Variants in OR5V1 observed in about 807,000 individuals in gnomAD.
OR5V1 encodes the protein olfactory receptor family 5 subfamily V member 1.
For synonymous variants in OR5V1, 134 were observed against 143.2 expected (o/e 0.94, Z 0.46); for missense variants, 365 against 371.5 (o/e 0.98, Z 0.14).
Position 29,355,148 on chromosome 6 carries a change from A to G in OR5V1, c.*82T>C, listed in dbSNP as rs1778189561. 7.2e-7 allele frequency: 1 copy of G among 1,386,814 alleles called. No individual in the cohort carries two copies. Among genetic ancestry groups the G allele is most frequent in the Non-Finnish European group, 9.7e-7 (1 of 1,027,474 alleles). The allele number at this position is 1,386,814 out of a possible 1,614,324, so 85.9% of individuals were successfully genotyped here. On this transcript the variant is annotated 3_prime_UTR_variant, in exon 2 of 2. Transcript: ENST00000641768. ...CTTCAATATCTGTCCCAACATTGCA[A>G]TTATCTTTTAAACTTTCAATAAAAA...
intron 1 of OR5V1, among the ~76,000 whole-genome samples, chr6:29,366,781 A>C (rs1029528331): frequency 2.0e-5 from 3 of 152,218 alleles, no homozygotes; most frequent in African/African-American, 7.2e-5. Context: ...ACTGCCCTCC[A>C]ACACAAACAT....
rs757161466 is a variant in OR5V1, at chr6:29,356,086, C to A, written c.110G>T (p.Cys37Phe). ...LFTIFFLTYFCTLGGNILIIL... is the reference protein window; with the variant it reads ...LFTIFFLTYFFTLGGNILIIL... The stretch of plus-strand genomic sequence containing the variant: ...AATTAATATATTTCCTCCCAAAGTA[C>A]AGAAATAAGTCAGAAAGAAGATGGT... Residue 37 changes from cysteine to phenylalanine, a missense_variant, in exon 2 of 2, where the codon TGT becomes TTT. Coordinates refer to ENST00000641768, the MANE Select transcript of OR5V1 (RefSeq NM_030876.6). 1.2e-6 allele frequency: 2 copies of A among 1,613,876 alleles called. No individual in the cohort carries two copies. The highest frequency in any genetic ancestry group is 1.7e-6 in the Non-Finnish European group (2 of 1,179,886).
intron 1 of OR5V1, among the ~76,000 whole-genome samples, chr6:29,363,125 T>G (rs527490879): frequency 6.6e-6 from 1 of 152,266 alleles, no homozygotes; most frequent in Non-Finnish European, 1.5e-5. Context: ...TTATCACCAC[T>G]GATCCCACAG....
At position 29,355,679 on chromosome 6, in the gene OR5V1, G is replaced by T; in HGVS notation, c.517C>A (p.Gln173Lys). The T allele has an allele frequency of 6.2e-7, 1 of 1,614,054 alleles. No homozygotes were observed. Among genetic ancestry groups the T allele is most frequent in the African/African-American group, 1.3e-5 (1 of 75,060 alleles). Reference protein sequence around the residue: ...TFCLPFCGNNQINYFFCDIPP... With the variant: ...TFCLPFCGNNKINYFFCDIPP... ...ATGTCACAGAAGAAGTAATTAATCTGATTGTTGCCACAGAAGGGCAGGCAG... is the reference window on the plus strand; with the variant it reads ...ATGTCACAGAAGAAGTAATTAATCTTATTGTTGCCACAGAAGGGCAGGCAG... The change falls in exon 2 of 2, where the codon CAG (glutamine) becomes AAG (lysine). Residue 173 changes from glutamine to lysine, a missense_variant. Gln to Lys is a moderately conservative substitution (Grantham distance 53). Coordinates refer to ENST00000641768, the MANE Select transcript of OR5V1 (RefSeq NM_030876.6).
At chr6:29,365,160 A>G (rs1012913862) in intron 1 of OR5V1, among the ~76,000 whole-genome samples, 6 of 152,180 alleles carry the variant, frequency 3.9e-5, no homozygotes, top group Non-Finnish European at 7.3e-5. Flanking sequence ...AAGATGGATT[A>G]AAGACTTAAA....
In OR5V1 at chr6:29,355,523, T is replaced by C. The variant is rs1056127645; in HGVS notation, c.673A>G (p.Ile225Val). 9.3e-6 allele frequency: 15 copies of C among 1,613,794 alleles called. No individual in the cohort carries two copies. Among genetic ancestry groups the C allele is most frequent in the Non-Finnish European group, 1.3e-5 (15 of 1,179,864 alleles). The change falls in exon 2 of 2, where the codon ATC becomes GTC. Residue 225 changes from isoleucine to valine, a missense_variant. Ile to Val is a conservative substitution (Grantham distance 29, BLOSUM62 3). Transcript: ENST00000641768. ...VLSYICIIST[I>V]LRIQSSEGRR... is the part of the protein sequence containing the mutation. ...CCCTCTGAGGACTGGATCCTCAAGA[T>C]GGTGGAGATTATGCAAATGTAGGAA...
At chr6:29,358,003 A>C (rs2151272345) in intron 1 of OR5V1, among the ~76,000 whole-genome samples, 1 of 152,332 alleles carries the variant, frequency 6.6e-6, no homozygotes, top group East Asian at 1.9e-4. Context: ...TTCAATGTCA[A>C]GTTTGAGAGG....
Position 29,355,790 on chromosome 6 carries a change from G to A in OR5V1, c.406C>T (p.Leu136=). 1 of 1,614,034 alleles carries A rather than the reference G, an allele frequency of 6.2e-7. No individual in the cohort carries two copies. Among genetic ancestry groups the A allele is most frequent in the Non-Finnish European group, 8.5e-7 (1 of 1,179,954 alleles). ...AATTGATTGCATAGAACCTTGCTCAGAATAACTGAATACCTTAAAGGATTG... is the reference window on the plus strand; with the variant it reads ...AATTGATTGCATAGAACCTTGCTCAAAATAACTGAATACCTTAAAGGATTG... ...ICNPLRYSVI[L]SKVLCNQLAA... The change falls in exon 2 of 2, where the codon CTG becomes TTG. Residue 136 remains leucine (L), a synonymous_variant. Transcript: ENST00000641768.
chr6:29,361,211 G>T (rs575959493), intron 1 of OR5V1, among the ~76,000 whole-genome samples: 23 of 152,116 alleles, frequency 1.5e-4, no homozygotes, highest in Non-Finnish European at 2.9e-4. Flanking sequence ...CTAAAATAAG[G>T]TGTGAAGACA....
At position 29,356,103 on chromosome 6, in the gene OR5V1, G is replaced by A; in HGVS notation, c.93C>T (p.Phe31=). 6.2e-7 allele frequency: 1 copy of A among 1,613,774 alleles called. No homozygotes were observed. The highest frequency in any genetic ancestry group is 1.1e-5 in the South Asian group (1 of 91,026). The change falls in exon 2 of 2, where the codon TTC becomes TTT. Residue 31 remains phenylalanine, a synonymous_variant. Transcript: ENST00000641768. ...CCAAAGTACAGAAATAAGTCAGAAA[G>A]AAGATGGTGAATAGTAAAAACTGCA... is the stretch of plus-strand genomic sequence containing the variant. The part of the protein sequence containing the change: ...NELQFLLFTI[F]FLTYFCTLGG...
chr6:29,355,683 G>A lies in OR5V1; in HGVS notation c.513C>T (p.Asn171=), dbSNP rs1299500972. The change falls in exon 2 of 2, where the codon AAC becomes AAT. Residue 171 remains asparagine, a synonymous_variant. Transcript: ENST00000641768. ...VLTFCLPFCG[N]NQINYFFCDI... The stretch of plus-strand genomic sequence containing the variant: ...CACAGAAGAAGTAATTAATCTGATT[G>A]TTGCCACAGAAGGGCAGGCAGAATG... 2 of 1,614,052 alleles carry A rather than the reference G, an allele frequency of 1.2e-6. No individual in the cohort carries two copies. The highest frequency in any genetic ancestry group is 1.7e-5 in the Admixed American group (1 of 59,982).
Position 29,355,194 on chromosome 6 carries a change from T to TAATTTTGTAGTATA in OR5V1, c.*22_*35dup. The stretch of plus-strand genomic sequence containing the variant: ...AAAAACAGCTGACTGGTGAAAAAGT[T>TAATTTTGTAGTATA]AATTTTGTAGTATAAGATTATTGAA... On this transcript the variant is annotated 3_prime_UTR_variant, in exon 2 of 2. Coordinates refer to ENST00000641768, the MANE Select transcript of OR5V1 (RefSeq NM_030876.6). The TAATTTTGTAGTATA allele has an allele frequency of 1.3e-6, 2 of 1,527,854 alleles. No individual in the cohort carries two copies. Among genetic ancestry groups the TAATTTTGTAGTATA allele is most frequent in the Non-Finnish European group, 1.7e-6 (2 of 1,143,254 alleles). The allele number at this position is 1,527,854 out of a possible 1,614,324, so 94.6% of individuals were successfully genotyped here. A position where few individuals can be genotyped will look rare whatever the true frequency, so the allele number is the denominator to read the frequency against.
chr6:29,355,010 C>T lies in OR5V1; in HGVS notation c.*220G>A. On this transcript the variant is annotated 3_prime_UTR_variant, in exon 2 of 2. Transcript: ENST00000641768. ...GGAAACAGTCTTTGAATGCAAAATT[C>T]AGGAATGGAAAAATAAATAAGAAGA... is the stretch of plus-strand genomic sequence containing the variant. 2.5e-6 allele frequency: 1 copy of T among 406,938 alleles called. No individual in the cohort carries two copies. Among genetic ancestry groups the T allele is most frequent in the African/African-American group, 2.1e-5 (1 of 48,612 alleles). 25.2% of individuals were successfully genotyped at this position (406,938 alleles called of 1,614,324 possible).
intron 1 of OR5V1, among the ~76,000 whole-genome samples, chr6:29,364,221 G>C (rs1268914999): frequency 6.6e-6 from 1 of 151,896 alleles, no homozygotes; most frequent in East Asian, 1.9e-4. Context: ...AAGATACCTA[G>C]GAATACAACT....
intron 1 of OR5V1, among the ~76,000 whole-genome samples, chr6:29,362,699 C>CT (rs1301611910): frequency 1.3e-5 from 2 of 152,108 alleles, no homozygotes; most frequent in Non-Finnish European, 2.9e-5. Context: ...TGAATGACTA[C>CT]TGGGTAAATA....
intron 1 of OR5V1, among the ~76,000 whole-genome samples, chr6:29,367,935 T>C (rs1778933728): frequency 6.6e-6 from 1 of 152,186 alleles, no homozygotes; most frequent in African/African-American, 2.4e-5. Context: ...CAGAATTTCA[T>C]ATCATAGTAA....
At chr6:29,362,092 T>A (rs1473361565) in intron 1 of OR5V1, among the ~76,000 whole-genome samples, 1 of 151,802 alleles carries the variant, frequency 6.6e-6, no homozygotes, top group Non-Finnish European at 1.5e-5. Context: ...CAGAGAAATA[T>A]TTACCAAGCA....
chr6:29,362,308 A>G (rs1778602703), intron 1 of OR5V1, among the ~76,000 whole-genome samples: 1 of 152,196 alleles, frequency 6.6e-6, no homozygotes. Context: ...CAGACCTACA[A>G]AAGACTTAGA....
intron 1 of OR5V1, among the ~76,000 whole-genome samples, chr6:29,359,809 C>T (rs898272073): frequency 6.6e-6 from 1 of 152,210 alleles, no homozygotes; most frequent in Non-Finnish European, 1.5e-5. Flanking sequence ...CATGTGCCTA[C>T]ACCACCAGGG....
Sources: allele counts gnomAD v4.1 joint callset (sites outside exome capture counted in the v4.1 genomes callset), GRCh38; gene constraint gnomAD v4.1.1; transcripts MANE v1.5; gene names NCBI Gene and HGNC (gene_info 2026-07-23, HGNC 2026-07-21).